SGSM1: variants seen among roughly 807,000 people sequenced by gnomAD.
SGSM1 encodes the protein RUN and TBC1 domain containing 2.
SGSM1 carries 73 observed loss-of-function variants against 133.8 expected under a neutral mutation model. That is an observed-to-expected ratio of 0.55 (90% CI 0.45 to 0.66). The LOEUF is 0.66. Among genes scored for constraint, SGSM1 ranks in the 30% least tolerant of loss-of-function variants. The pLI is 0.00. For missense variants in SGSM1, 1,213 were observed against 1,448.1 expected, an observed-to-expected ratio of 0.84 and a Z score of 2.64; for synonymous variants, 563 against 573.0, an observed-to-expected ratio of 0.98 and a Z score of 0.25.
rs1384281541 is a variant in SGSM1, at chr22:24,898,257, G to A, written c.2308G>A (p.Glu770Lys). Residue 770 changes from glutamate to lysine, a missense_variant, in exon 19 of 25, where the codon GAG becomes AAG. Transcript: ENST00000400358. Reference sequence around the variant, plus strand: ...CAGCGAGGCCACCACATCTCAGGATGAGGCTCCCCGGGAGGAGCTGGCCGT... The same window carrying A: ...CAGCGAGGCCACCACATCTCAGGATAAGGCTCCCCGGGAGGAGCTGGCCGT... Reference protein sequence around the residue: ...QSSEATTSQDEAPREELAVQD... With the variant: ...QSSEATTSQDKAPREELAVQD... 3 of 1,613,726 alleles carry A rather than the reference G, an allele frequency of 1.9e-6. No homozygotes were observed. Among genetic ancestry groups the A allele is most frequent in the Non-Finnish European group, 2.5e-6 (3 of 1,179,774 alleles).
intron 9 of SGSM1, among the ~76,000 whole-genome samples, chr22:24,866,405 G>A (rs187415157): frequency 2.0e-4 from 31 of 152,300 alleles, no homozygotes; most frequent in African/African-American, 5.3e-4. Flanking sequence ...ACTCCTGCGC[G>A]TGGACACATA....
chr22:24,893,427 G>C lies in SGSM1; in HGVS notation c.1771-4G>C. 3 of 1,613,392 alleles carry C rather than the reference G, an allele frequency of 1.9e-6. No individual in the cohort carries two copies. The highest frequency in any genetic ancestry group is 2.5e-6 in the Non-Finnish European group (3 of 1,179,660). ...CTCGGGTGACATTGCATCTGCCCTG[G>C]CAGGTGGACGAGCAGATTCATGCCT... is the stretch of plus-strand genomic sequence containing the variant. On this transcript the variant is annotated splice_polypyrimidine_tract_variant and splice_region_variant and intron_variant, in intron 16 of 24. Coordinates refer to ENST00000400358, the MANE Select transcript of SGSM1 (RefSeq NM_001098497.3).
chr22:24,846,943 C>G (rs984778032), intron 3 of SGSM1, among the ~76,000 whole-genome samples: 24 of 151,888 alleles, frequency 1.6e-4, no homozygotes, highest in Non-Finnish European at 1.3e-4. Context: ...CAGGTTCATG[C>G]CATTCTCCTG....
intron 2 of SGSM1, among the ~76,000 whole-genome samples, chr22:24,807,362 C>T (rs541121076): frequency 2.0e-3 from 299 of 152,220 alleles, no homozygotes; most frequent in African/African-American, 6.8e-3. Flanking sequence ...TCTCTTTGCA[C>T]TGTGTGTACA....
At position 24,926,520 on chromosome 22, in the gene SGSM1, G is replaced by C. The variant is rs1022545077; in HGVS notation, c.*2246G>C. On this transcript the variant is annotated 3_prime_UTR_variant, in exon 25 of 25. Coordinates refer to ENST00000400358, the MANE Select transcript of SGSM1 (RefSeq NM_001098497.3). The stretch of plus-strand genomic sequence containing the variant: ...GAGGATGTTATTTTAGTGAGACCCA[G>C]GTCCTAGACCTTCTGATTCCTATTT... The C allele has an allele frequency of 1.7e-4, 26 of 152,190 alleles. No individual in the cohort carries two copies. Among genetic ancestry groups the C allele is most frequent in the African/African-American group, 6.3e-4 (26 of 41,442 alleles). The allele number at this position is 152,190 out of a possible 1,614,324, so 9.4% of individuals were successfully genotyped here.
In SGSM1 at chr22:24,917,763, T is replaced by G. The variant is rs751029678; in HGVS notation, c.3025+9T>G. On this transcript the variant is annotated intron_variant, in intron 23 of 24. Transcript: ENST00000400358. Reference sequence around the variant, plus strand: ...GCTGGATTTCAAGCGAGGTACAGACTTTAAATTGGGGACCTGTGTCCAGAC... The same window carrying G: ...GCTGGATTTCAAGCGAGGTACAGACGTTAAATTGGGGACCTGTGTCCAGAC... 2.5e-6 allele frequency: 4 copies of G among 1,610,230 alleles called. No individual in the cohort carries two copies. The East Asian group carries it at 8.9e-5, about 36-fold the overall frequency.
At chr22:24,900,413 T>TCTTTCTTTC (rs1933112159) in intron 19 of SGSM1, among the ~76,000 whole-genome samples, 2 of 141,844 alleles carry the variant, frequency 1.4e-5, no homozygotes, top group African/African-American at 5.9e-5. Context: ...CTTTCTGTAT[T>TCTTTCTTTC]TTTGAGACAG....
intron 22 of SGSM1, among the ~76,000 whole-genome samples, chr22:24,913,007 G>A (rs930152602): frequency 9.2e-5 from 14 of 152,048 alleles, no homozygotes; most frequent in Admixed American, 2.0e-4. Flanking sequence ...TGATTTTATA[G>A]TGCTTAGCAC....
chr22:24,914,571 A>G (rs1051062889), intron 22 of SGSM1, among the ~76,000 whole-genome samples: 3 of 151,914 alleles, frequency 2.0e-5, no homozygotes, highest in Non-Finnish European at 4.4e-5. Context: ...AGTGGTAAGC[A>G]CTTTGCAGAT....
intron 3 of SGSM1, among the ~76,000 whole-genome samples, chr22:24,845,481 C>T (rs1930042307): frequency 6.6e-6 from 1 of 152,212 alleles, no homozygotes; most frequent in Non-Finnish European, 1.5e-5. Context: ...CATGGCCAGG[C>T]TTTTGCTGTA....
At position 24,922,678 on chromosome 22, in the gene SGSM1, A is replaced by G. The variant is rs1380340226; in HGVS notation, c.3194-1508A>G. 4.0e-3 allele frequency among the ~76,000 whole-genome samples: 522 copies of G among 130,006 alleles called. No homozygotes were observed. The Middle Eastern group carries it at 0.067, about 17-fold the overall frequency. 85.3% of individuals were successfully genotyped at this position (130,006 alleles called of 152,430 possible). A position where few individuals can be genotyped will look rare whatever the true frequency, so the allele number is the denominator to read the frequency against. On this transcript the variant is annotated intron_variant, in intron 24 of 24. Transcript: ENST00000400358. Reference sequence around the variant, plus strand: ...TTTTTAGTAGAGATGGGGTTTCACCATGTTAGCCAGGATGGTCTCGATCTC... The same window carrying G: ...TTTTTAGTAGAGATGGGGTTTCACCGTGTTAGCCAGGATGGTCTCGATCTC...
Position 24,876,652 on chromosome 22 carries a change from G to A in SGSM1, c.1367G>A (p.Cys456Tyr), listed in dbSNP as rs1932041122. 2 of 1,614,018 alleles carry A rather than the reference G, an allele frequency of 1.2e-6. No individual in the cohort carries two copies. The highest frequency in any genetic ancestry group is 1.7e-6 in the Non-Finnish European group (2 of 1,179,900). ...CAGCCCAGTCCCCGGAAGTCCTCCTGTTCATCCTGTTCACAGAGTGGCTCG... is the reference window on the plus strand; with the variant it reads ...CAGCCCAGTCCCCGGAAGTCCTCCTATTCATCCTGTTCACAGAGTGGCTCG... Reference protein sequence around the residue: ...LWQPSPRKSSCSSCSQSGSAD... With the variant: ...LWQPSPRKSSYSSCSQSGSAD... The change falls in exon 13 of 25, where the codon TGT becomes TAT. Residue 456 changes from cysteine to tyrosine, a missense_variant. Transcript: ENST00000400358.
In SGSM1 at chr22:24,898,325, G is replaced by A. The variant is rs1407102389; in HGVS notation, c.2376G>A (p.Met792Ile). Residue 792 changes from methionine to isoleucine, a missense_variant, in exon 19 of 25, where the codon ATG becomes ATA. Coordinates refer to ENST00000400358, the MANE Select transcript of SGSM1 (RefSeq NM_001098497.3). ...LESDLLANES[M>I]DEFMSITGSL... Reference sequence around the variant, plus strand: ...GTGACCTCCTGGCCAACGAGAGCATGGACGAGTTCATGTCCATCACGGGCA... The same window carrying A: ...GTGACCTCCTGGCCAACGAGAGCATAGACGAGTTCATGTCCATCACGGGCA... 6.2e-7 allele frequency: 1 copy of A among 1,613,962 alleles called. No individual in the cohort carries two copies.
intron 24 of SGSM1, among the ~76,000 whole-genome samples, chr22:24,921,700 T>A (rs988937704): frequency 4.2e-5 from 6 of 142,646 alleles, no homozygotes; most frequent in African/African-American, 1.5e-4. Context: ...AATACATATG[T>A]ATCTTTTTTT....
At chr22:24,895,667 G>C (rs144312403) in intron 18 of SGSM1, among the ~76,000 whole-genome samples, 64 of 152,086 alleles carry the variant, frequency 4.2e-4, no homozygotes, top group African/African-American at 1.4e-3. Context: ...TTTTAAATGT[G>C]TACATAAATG....
At chr22:24,820,560 T>C (rs1601889526) in intron 2 of SGSM1, among the ~76,000 whole-genome samples, 1 of 152,314 alleles carries the variant, frequency 6.6e-6, no homozygotes, top group East Asian at 1.9e-4. Flanking sequence ...GCTCTTATCA[T>C]TTTTCATTCC....
intron 2 of SGSM1, chr22:24,814,328 G>T (rs1300449075): frequency 6.6e-6 from 1 of 151,850 alleles, no homozygotes; most frequent in Non-Finnish European, 1.5e-5. Flanking sequence ...TTATATTGAT[G>T]ACCTCATTTA....
At chr22:24,840,400 A>G (rs573520306) in intron 2 of SGSM1, among the ~76,000 whole-genome samples, 17 of 152,212 alleles carry the variant, frequency 1.1e-4, no homozygotes, top group African/African-American at 4.1e-4. Context: ...CTGAAGTGCA[A>G]TAGTGCGTTC....
intron 2 of SGSM1, among the ~76,000 whole-genome samples, chr22:24,834,484 G>A (rs1929311587): frequency 6.6e-6 from 1 of 152,184 alleles, no homozygotes; most frequent in South Asian, 2.1e-4. Context: ...TAGTTGACAT[G>A]GAGATCATAT....
Sources: gnomAD v4.1 joint callset for allele counts (sites outside exome capture counted in the v4.1 genomes callset) on GRCh38, gnomAD v4.1.1 for gene constraint, MANE v1.5 for transcripts, NCBI Gene and HGNC (gene_info 2026-07-23, HGNC 2026-07-21) for gene names.